The following SESN1 variants were observed in gnomAD, a reference collection of about 807,000 sequenced individuals.
The protein encoded by SESN1 is sestrin-1.
SESN1 carries 30 observed loss-of-function variants against 59.3 expected under a neutral mutation model. The ratio of observed to expected loss-of-function variants is 0.51; its 90% confidence interval spans 0.38 to 0.69. SESN1 has a LOEUF of 0.69. Ranked by LOEUF, SESN1 falls within the 30% of genes least tolerant of loss-of-function variation. The pLI is 0.00. For synonymous variants in SESN1, 197 were observed against 219.9 expected (o/e 0.90, Z 0.92); for missense variants, 566 against 673.0 (o/e 0.84, Z 1.76).
intron 1 of SESN1, among the ~76,000 whole-genome samples, chr6:109,082,030 T>C (rs1036364534): frequency 9.9e-5 from 15 of 152,208 alleles, no homozygotes; most frequent in Non-Finnish European, 2.1e-4. Flanking sequence ...AATACCGGCA[T>C]ACAAACAATC....
intron 1 of SESN1, among the ~76,000 whole-genome samples, chr6:109,035,334 G>A (rs1451778563): frequency 6.6e-6 from 1 of 152,124 alleles, no homozygotes; most frequent in Non-Finnish European, 1.5e-5. Flanking sequence ...GGTATTTTAA[G>A]AAATGTACAT....
chr6:109,032,706 G>A (rs1464026374), intron 1 of SESN1, among the ~76,000 whole-genome samples: 1 of 151,990 alleles, frequency 6.6e-6, no homozygotes, highest in Non-Finnish European at 1.5e-5. Flanking sequence ...ATTGGAAGAT[G>A]GCCTCTTGTC....
At chr6:109,064,489 C>G (rs1281789705) in intron 1 of SESN1, among the ~76,000 whole-genome samples, 1 of 148,234 alleles carries the variant, frequency 6.7e-6, no homozygotes, top group East Asian at 2.0e-4. Context: ...AAAGGAAGAT[C>G]TGAAAGCCAC....
intron 1 of SESN1, among the ~76,000 whole-genome samples, chr6:109,065,215 G>A (rs951378454): frequency 2.0e-5 from 3 of 151,948 alleles, no homozygotes; most frequent in Non-Finnish European, 4.4e-5. Context: ...CTTTAGGCAT[G>A]TCTGAGAATC....
intron 1 of SESN1, among the ~76,000 whole-genome samples, chr6:109,007,015 T>C (rs1779746051): frequency 6.6e-6 from 1 of 152,236 alleles, no homozygotes; most frequent in South Asian, 2.1e-4. Flanking sequence ...ATCACAGCAC[T>C]AACCTCACAG....
In SESN1 at chr6:109,094,218, C is replaced by A. The variant is rs1781421112; in HGVS notation, c.-145G>T. ...ACACACATCTGGGTGACATTTGGAA[C>A]CACTGGTGCCTTCAGCCGATCTACA... On this transcript the variant is annotated 5_prime_UTR_variant, in exon 1 of 10. Transcript: ENST00000436639. 3 of 845,208 alleles carry A rather than the reference C, an allele frequency of 3.5e-6. No individual in the cohort carries two copies. Among genetic ancestry groups the A allele is most frequent in the Non-Finnish European group, 5.4e-6 (3 of 554,132 alleles). The allele number at this position is 845,208 out of a possible 1,614,324, so 52.4% of individuals were successfully genotyped here.
chr6:109,043,553 G>C (rs1780375759), intron 1 of SESN1, among the ~76,000 whole-genome samples: 1 of 152,124 alleles, frequency 6.6e-6, no homozygotes, highest in East Asian at 1.9e-4. Flanking sequence ...ATATACAAGA[G>C]TGAATTGCTT....
At chr6:109,044,541 C>T (rs1780393203) in intron 1 of SESN1, among the ~76,000 whole-genome samples, 1 of 151,794 alleles carries the variant, frequency 6.6e-6, no homozygotes. Context: ...GACTAAAAAA[C>T]ATCTAGAAGA....
intron 1 of SESN1, among the ~76,000 whole-genome samples, chr6:109,043,028 T>C (rs1031146681): frequency 7.9e-5 from 12 of 152,138 alleles, no homozygotes; most frequent in Non-Finnish European, 1.6e-4. Flanking sequence ...CAGGAATGCA[T>C]GGCTGGTTCA....
chr6:109,018,719 A>G (rs1283848830), intron 1 of SESN1, among the ~76,000 whole-genome samples: 1 of 152,192 alleles, frequency 6.6e-6, no homozygotes, highest in African/African-American at 2.4e-5. Context: ...AAGCTTCTGG[A>G]TCAGTTTAAC....
At chr6:109,088,676 CA>C (rs1246204710) in intron 1 of SESN1, among the ~76,000 whole-genome samples, 1 of 152,210 alleles carries the variant, frequency 6.6e-6, no homozygotes, top group African/African-American at 2.4e-5. Context: ...GGATAGGCCT[CA>C]AAATCTTTTG....
At chr6:109,061,004 T>TG (rs1453149688) in intron 1 of SESN1, among the ~76,000 whole-genome samples, 1 of 152,222 alleles carries the variant, frequency 6.6e-6, no homozygotes, top group African/African-American at 2.4e-5. Flanking sequence ...TACATGTATA[T>TG]GAACCCTGAT....
At chr6:109,054,093 A>G (rs1379628568) in intron 1 of SESN1, among the ~76,000 whole-genome samples, 1 of 149,844 alleles carries the variant, frequency 6.7e-6, no homozygotes, top group Non-Finnish European at 1.5e-5. Flanking sequence ...TTGGGGGGGG[A>G]GGGATCTGGG....
chr6:109,090,765 CTTTTG>C (rs1420697735), intron 1 of SESN1: 2 of 152,012 alleles, frequency 1.3e-5, no homozygotes, highest in Non-Finnish European at 2.9e-5. Context: ...TCAAGTGTAA[CTTTTG>C]TTTGTTTGTT....
chr6:109,009,554 G>A, intron 1 of SESN1: 2 of 986,892 alleles, frequency 2.0e-6, no homozygotes, highest in East Asian at 6.0e-5. Flanking sequence ...AGCACGGACG[G>A]CGGGGGGGCG....
intron 1 of SESN1, among the ~76,000 whole-genome samples, chr6:109,047,806 T>C (rs1780477282): frequency 6.9e-6 from 1 of 144,972 alleles, no homozygotes; most frequent in African/African-American, 2.5e-5. Flanking sequence ...CCCAACCCTG[T>C]GCTCTCTGAA....
At chr6:109,075,951 C>T (rs1395168632) in intron 1 of SESN1, among the ~76,000 whole-genome samples, 2 of 152,234 alleles carry the variant, frequency 1.3e-5, no homozygotes, top group Non-Finnish European at 2.9e-5. Context: ...GGACCCTGCT[C>T]CTCCCTTTGG....
intron 8 of SESN1, among the ~76,000 whole-genome samples, chr6:108,989,577 C>CTA (rs1006245590): frequency 6.7e-6 from 1 of 148,588 alleles, no homozygotes; most frequent in Non-Finnish European, 1.5e-5. Context: ...CTAGAGATAT[C>CTA]TATATATAGA....
chr6:109,075,100 GGAA>G (rs1435053633), intron 1 of SESN1, among the ~76,000 whole-genome samples: 1 of 152,124 alleles, frequency 6.6e-6, no homozygotes, highest in Non-Finnish European at 1.5e-5. Context: ...TGCAAAGGTA[GGAA>G]GAAGTCGAGA....
Sources: allele counts gnomAD v4.1 joint callset (sites outside exome capture counted in the v4.1 genomes callset), GRCh38; gene constraint gnomAD v4.1.1; transcripts MANE v1.5; gene names NCBI Gene and HGNC (gene_info 2026-07-23, HGNC 2026-07-21).